The following ARAP2 variants were observed in gnomAD, a reference collection of about 807,000 sequenced individuals.
The protein encoded by ARAP2 is arf-GAP with Rho-GAP domain, ANK repeat and PH domain-containing protein 2.
ARAP2 carries 148 observed loss-of-function variants against 194.5 expected under a neutral mutation model. That is an observed-to-expected ratio of 0.76 (90% confidence interval 0.67 to 0.87). ARAP2 has a LOEUF of 0.87. Ranked by LOEUF, ARAP2 falls within the 40% of genes least tolerant of loss-of-function variation. The probability of loss-of-function intolerance (pLI) is 0.00; values close to 1 mark genes in which losing one functional copy is unlikely to be tolerated. For synonymous variants in ARAP2, 695 were observed against 683.5 expected (o/e 1.02, Z -0.26); for missense variants, 2,128 against 1,989.7 (o/e 1.07, Z -1.32).
chr4:36,130,211 A>C (rs1725082855), intron 20 of ARAP2, among the ~76,000 whole-genome samples: 1 of 151,960 alleles, frequency 6.6e-6, no homozygotes, highest in Non-Finnish European at 1.5e-5. Context: ...AACAATGATA[A>C]CAGCATGATC....
intron 19 of ARAP2, among the ~76,000 whole-genome samples, chr4:36,143,555 A>G (rs1354319085): frequency 6.6e-6 from 1 of 151,772 alleles, no homozygotes; most frequent in Non-Finnish European, 1.5e-5. Context: ...AAGGCTGTTT[A>G]AGTACTTAAA....
intron 6 of ARAP2, among the ~76,000 whole-genome samples, chr4:36,197,339 A>G (rs146719646): frequency 6.6e-6 from 1 of 152,336 alleles, no homozygotes; most frequent in East Asian, 1.9e-4. Context: ...GAATGAATGT[A>G]TTTTTCACTG....
intron 5 of ARAP2, among the ~76,000 whole-genome samples, chr4:36,023,145 T>A (rs1226087039): frequency 6.6e-6 from 1 of 152,134 alleles, no homozygotes; most frequent in Non-Finnish European, 1.5e-5. Flanking sequence ...AGACAAGATA[T>A]GATAAAACTT....
chr4:36,063,662 C>G (rs1046111033), downstream of ARAP2, among the ~76,000 whole-genome samples: 18 of 152,184 alleles, frequency 1.2e-4, no homozygotes, highest in African/African-American at 4.3e-4. Flanking sequence ...CTTTAGGTCA[C>G]TAGTTGGCCA....
At chr4:36,097,167 T>C (rs1715537400) in intron 27 of ARAP2, among the ~76,000 whole-genome samples, 1 of 152,092 alleles carries the variant, frequency 6.6e-6, no homozygotes, top group East Asian at 1.9e-4. Flanking sequence ...AATAGTAACA[T>C]TTACTTTAAC....
intron 27 of ARAP2, among the ~76,000 whole-genome samples, chr4:36,104,515 C>T (rs1267281523): frequency 6.6e-6 from 1 of 151,832 alleles, no homozygotes; most frequent in Non-Finnish European, 1.5e-5. Flanking sequence ...AGACTGAATA[C>T]CAAAATTATC....
intron 8 of ARAP2, among the ~76,000 whole-genome samples, chr4:36,013,927 G>A (rs1000016546): frequency 3.3e-5 from 5 of 152,080 alleles, no homozygotes; most frequent in Non-Finnish European, 7.4e-5. Flanking sequence ...AACTCAACCT[G>A]TTGAATAAAA....
intron 9 of ARAP2, among the ~76,000 whole-genome samples, chr4:36,171,269 C>A (rs1056914325): frequency 9.2e-5 from 14 of 152,130 alleles, no homozygotes; most frequent in African/African-American, 3.4e-4. Context: ...TGGAACCAAC[C>A]CAAATGTCCA....
intron 32 of ARAP2, among the ~76,000 whole-genome samples, chr4:36,071,435 C>A (rs1048159720): frequency 6.6e-6 from 1 of 152,126 alleles, no homozygotes; most frequent in Non-Finnish European, 1.5e-5. Context: ...CCTCGGCCAA[C>A]AACTTGGCAT....
At chr4:36,187,593 AG>A in intron 7 of ARAP2, 22 bp from the exon 8 acceptor site, 1 of 1,527,406 alleles carries the variant, frequency 6.5e-7, no homozygotes, top group East Asian at 2.4e-5. Flanking sequence ...AGAAAAAAAG[AG>A]AAGACATATG....
intron 3 of ARAP2, among the ~76,000 whole-genome samples, chr4:36,048,263 G>C (rs958662975): frequency 6.6e-6 from 1 of 152,062 alleles, no homozygotes; most frequent in Non-Finnish European, 1.5e-5. Context: ...AGATTCAGGA[G>C]GTACATAAGC....
At chr4:36,223,665 G>A (rs1002656904) in intron 2 of ARAP2, among the ~76,000 whole-genome samples, 3 of 152,066 alleles carry the variant, frequency 2.0e-5, no homozygotes, top group African/African-American at 4.8e-5. Context: ...TCATAAGGGT[G>A]GGGCCCTGTT....
At chr4:36,145,802 C>T (rs935302819) in intron 19 of ARAP2, among the ~76,000 whole-genome samples, 5 of 151,942 alleles carry the variant, frequency 3.3e-5, no homozygotes, top group African/African-American at 9.7e-5. Context: ...GGGGGACCTC[C>T]GGCTATGTCT....
At chr4:36,027,177 T>C (rs745325724) in intron 5 of ARAP2, among the ~76,000 whole-genome samples, 43 of 152,188 alleles carry the variant, frequency 2.8e-4, no homozygotes, top group Non-Finnish European at 5.7e-4. Context: ...ACTTGACGTA[T>C]GTAAACTCAT....
At chr4:36,171,147 C>T (rs909510225) in intron 9 of ARAP2, among the ~76,000 whole-genome samples, 4 of 152,180 alleles carry the variant, frequency 2.6e-5, no homozygotes, top group African/African-American at 4.8e-5. Context: ...GCATCAGTTT[C>T]GTGAGGGTTA....
intron 15 of ARAP2, among the ~76,000 whole-genome samples, chr4:36,157,165 C>T (rs1303278538): frequency 1.3e-5 from 2 of 152,154 alleles, no homozygotes; most frequent in Non-Finnish European, 2.9e-5. Flanking sequence ...TCTCGTGTTT[C>T]AATCCCCATT....
chr4:36,065,200 G>C (rs1725201389), downstream of ARAP2: 1 of 358,276 alleles, frequency 2.8e-6, no homozygotes, highest in Non-Finnish European at 5.8e-6. Context: ...CCACAAACTT[G>C]ATCTTCAGAG....
intron 19 of ARAP2, among the ~76,000 whole-genome samples, chr4:36,140,290 ATTG>A (rs1727990003): frequency 6.6e-6 from 1 of 151,686 alleles, no homozygotes; most frequent in Non-Finnish European, 1.5e-5. Flanking sequence ...CTGAAACAAA[ATTG>A]TTGAAGCAAA....
intron 20 of ARAP2, 126 bp from the exon 21 acceptor site, chr4:36,128,871 T>C (rs1724665208): frequency 1.3e-6 from 1 of 753,778 alleles, no homozygotes; most frequent in South Asian, 1.9e-5. Flanking sequence ...CAAGAGATGA[T>C]ATAAACATGC....
Sources: allele counts gnomAD v4.1 joint callset (sites outside exome capture counted in the v4.1 genomes callset), GRCh38; gene constraint gnomAD v4.1.1; transcripts MANE v1.5; gene names NCBI Gene and HGNC (gene_info 2026-07-23, HGNC 2026-07-21).